The following TLN2 variants were observed in gnomAD, a reference collection of about 807,000 sequenced individuals.
TLN2 encodes talin 2.
TLN2 carries 118 observed loss-of-function variants against 294.7 expected under a neutral mutation model. That is an observed-to-expected ratio of 0.40 (90% CI 0.34 to 0.47). The LOEUF (loss-of-function observed/expected upper bound fraction) is 0.47, where lower values mean the gene tolerates loss of function less well. Among genes scored for constraint, TLN2 ranks in the 20% least tolerant of loss-of-function variants. TLN2 has a pLI of 0.84. For synonymous variants in TLN2, 1,431 were observed against 1,304.5 expected (o/e 1.10, Z -2.09); for missense variants, 3,083 against 3,282.2 (o/e 0.94, Z 1.48).
At chr15:62,461,241 G>T (rs1311008783) in intron 1 of TLN2, among the ~76,000 whole-genome samples, 1 of 152,170 alleles carries the variant, frequency 6.6e-6, no homozygotes, top group African/African-American at 2.4e-5. Context: ...ACCGCGTCTG[G>T]CCAGTTTTGC....
intron 1 of TLN2, among the ~76,000 whole-genome samples, chr15:62,569,221 A>C (rs115266475): frequency 0.015 from 2,238 of 152,256 alleles, 57 homozygotes; most frequent in African/African-American, 0.051. Flanking sequence ...GATATCCCTA[A>C]TTACGTCTGC....
At chr15:62,416,231 C>G (rs1163976130) in intron 1 of TLN2, among the ~76,000 whole-genome samples, 1 of 152,132 alleles carries the variant, frequency 6.6e-6, no homozygotes, top group Non-Finnish European at 1.5e-5. Context: ...CCCAGGAGGT[C>G]AAGGCTGCAT....
chr15:62,433,980 T>G (rs557222039), intron 1 of TLN2, among the ~76,000 whole-genome samples: 2 of 152,058 alleles, frequency 1.3e-5, no homozygotes, highest in East Asian at 3.9e-4. Flanking sequence ...CAGAGCAAGA[T>G]TCTGTCCCCC....
chr15:62,830,653 C>G (rs747295480), intron 54 of TLN2: 3 of 152,032 alleles, frequency 2.0e-5, no homozygotes, highest in Non-Finnish European at 4.4e-5. Context: ...TATGAGGACA[C>G]GTTAAGTATT....
At chr15:62,687,534 T>C (rs574190839) in intron 12 of TLN2, among the ~76,000 whole-genome samples, 5 of 152,352 alleles carry the variant, frequency 3.3e-5, no homozygotes, top group Admixed American at 6.5e-5. Flanking sequence ...CTCTATGCCT[T>C]AACTATAGCC....
intron 1 of TLN2, among the ~76,000 whole-genome samples, chr15:62,562,853 G>A (rs1397047796): frequency 2.1e-5 from 3 of 144,434 alleles, no homozygotes; most frequent in Non-Finnish European, 3.0e-5. Context: ...GTTCCATCTA[G>A]GTTGCTGCAA....
At chr15:62,807,088 C>T (rs2066341832) in intron 51 of TLN2, among the ~76,000 whole-genome samples, 1 of 152,042 alleles carries the variant, frequency 6.6e-6, no homozygotes, top group South Asian at 2.1e-4. Context: ...TGGAAAGATT[C>T]CGCTTTCACA....
intron 2 of TLN2, among the ~76,000 whole-genome samples, 181 bp downstream of exon 2, chr15:62,589,943 C>T (rs925903971): frequency 1.3e-5 from 2 of 152,112 alleles, no homozygotes; most frequent in African/African-American, 4.8e-5. Context: ...TCTGATTTTT[C>T]CTCCTGGTAG....
intron 26 of TLN2, among the ~76,000 whole-genome samples, chr15:62,723,422 C>G (rs1303404342): frequency 6.6e-6 from 1 of 151,814 alleles, no homozygotes; most frequent in African/African-American, 2.4e-5. Context: ...TCACAAGCTT[C>G]TTTGCTGAGT....
At chr15:62,693,082 C>A in intron 13 of TLN2, 141 bp downstream of exon 13, 2 of 636,870 alleles carry the variant, frequency 3.1e-6, no homozygotes, top group South Asian at 3.9e-5. Context: ...GTAATCCCAA[C>A]ACTTCGGGAG....
intron 28 of TLN2, among the ~76,000 whole-genome samples, chr15:62,730,032 T>TC (rs1478751414): frequency 1.2e-5 from 1 of 86,480 alleles, no homozygotes; most frequent in East Asian, 3.0e-4. Flanking sequence ...TTGTTGTCTT[T>TC]TTTTTTTTTT....
intron 1 of TLN2, among the ~76,000 whole-genome samples, chr15:62,411,476 T>TGTGTGTGTGTG (rs1595746314): frequency 1.3e-5 from 2 of 149,282 alleles, no homozygotes; most frequent in Admixed American, 6.7e-5. Context: ...TGTGTGTGTG[T>TGTGTGTGTGTG]TTTGTTCCCA....
chr15:62,549,864 G>A lies in TLN2; in HGVS notation c.-237-39823G>A, dbSNP rs191804078. Among the ~76,000 whole-genome samples the A allele has an allele frequency of 1.9e-3, 282 of 152,284 alleles. 2 individuals carry two copies. The highest frequency in any genetic ancestry group is 6.6e-3 in the African/African-American group (275 of 41,560). On this transcript the variant is annotated intron_variant, in intron 1 of 58. Coordinates refer to ENST00000636159, the MANE Select transcript of TLN2 (RefSeq NM_015059.3). ...TCATTTCCAGGAAGCCACAGGTGTT[G>A]TTTTATAGCTAAGTCTTAAATAGCT...
At chr15:62,794,370 C>T (rs891399304) in intron 46 of TLN2, among the ~76,000 whole-genome samples, 3 of 152,196 alleles carry the variant, frequency 2.0e-5, no homozygotes, top group Non-Finnish European at 4.4e-5. Context: ...ACAGCCATGA[C>T]TTGTCTGCCT....
chr15:62,531,096 T>C (rs1473858544), intron 1 of TLN2, among the ~76,000 whole-genome samples: 1 of 152,222 alleles, frequency 6.6e-6, no homozygotes. Flanking sequence ...CCCAAAAGAT[T>C]TGAAGTCAGT....
chr15:62,571,304 C>T (rs926681106), intron 1 of TLN2, among the ~76,000 whole-genome samples: 2 of 152,132 alleles, frequency 1.3e-5, no homozygotes, highest in Non-Finnish European at 2.9e-5. Flanking sequence ...TTCATGTCAT[C>T]TGGGGGGACG....
chr15:62,600,541 C>A (rs1034014179), intron 2 of TLN2, among the ~76,000 whole-genome samples: 1 of 152,158 alleles, frequency 6.6e-6, no homozygotes, highest in Non-Finnish European at 1.5e-5. Context: ...CCAAGAGGCA[C>A]TGACAAGCCC....
chr15:62,595,086 A>T (rs867867141), intron 2 of TLN2, among the ~76,000 whole-genome samples: 1 of 152,202 alleles, frequency 6.6e-6, no homozygotes, highest in African/African-American at 2.4e-5. Context: ...TAAAACCACA[A>T]TGAGATAGTA....
At chr15:62,774,143 C>T (rs2063536409) in intron 42 of TLN2, among the ~76,000 whole-genome samples, 1 of 152,186 alleles carries the variant, frequency 6.6e-6, no homozygotes, top group African/African-American at 2.4e-5. Context: ...TTTTCTCCCT[C>T]TACCAAAGTT....
Sources: gnomAD v4.1 joint callset for allele counts (sites outside exome capture counted in the v4.1 genomes callset) on GRCh38, gnomAD v4.1.1 for gene constraint, MANE v1.5 for transcripts, NCBI Gene and HGNC (gene_info 2026-07-23, HGNC 2026-07-21) for gene names.